ERC2: variants seen among roughly 807,000 people sequenced by gnomAD.
ERC2 encodes ERC protein 2.
ERC2 carries 42 observed loss-of-function variants against 114.8 expected under a neutral mutation model. The observed-to-expected ratio is 0.37, with a 90% CI of 0.29 to 0.47. The LOEUF is 0.47. Among genes scored for constraint, ERC2 ranks in the 20% least tolerant of loss-of-function variants. ERC2 has a pLI of 0.99. For missense variants in ERC2, 939 were observed against 1,150.7 expected (o/e 0.82, Z 2.66); for synonymous variants, 454 against 425.5 (o/e 1.07, Z -0.82).
chr3:56,275,910 C>T (rs948550997), intron 3 of ERC2, among the ~76,000 whole-genome samples: 1 of 152,152 alleles, frequency 6.6e-6, no homozygotes. Flanking sequence ...AGGACAAGCC[C>T]CCATCCCCAG....
intron 17 of ERC2, among the ~76,000 whole-genome samples, chr3:55,622,316 C>T (rs371272051): frequency 9.2e-5 from 14 of 152,148 alleles, no homozygotes; most frequent in East Asian, 1.9e-4. Context: ...GGAGAAGGCA[C>T]CACCTCAGCA....
intron 7 of ERC2, among the ~76,000 whole-genome samples, chr3:56,019,285 C>T (rs1366960357): frequency 2.0e-5 from 3 of 152,096 alleles, no homozygotes; most frequent in African/African-American, 4.8e-5. Context: ...CTGACACGTA[C>T]GTAATCACTA....
chr3:56,043,021 T>C (rs2075276800), intron 7 of ERC2, among the ~76,000 whole-genome samples: 1 of 152,192 alleles, frequency 6.6e-6, no homozygotes, highest in Non-Finnish European at 1.5e-5. Flanking sequence ...AAGTGATTAC[T>C]GTAGGCAAGA....
At chr3:56,175,991 G>C (rs1006385458) in intron 3 of ERC2, among the ~76,000 whole-genome samples, 21 of 152,132 alleles carry the variant, frequency 1.4e-4, no homozygotes, top group Admixed American at 5.9e-4. Context: ...TGGATCCCAT[G>C]AGATTTCAAA....
chr3:55,898,558 G>A (rs768074994), intron 13 of ERC2, among the ~76,000 whole-genome samples: 2 of 152,064 alleles, frequency 1.3e-5, no homozygotes, highest in Non-Finnish European at 2.9e-5. Flanking sequence ...ACCTTCCGGA[G>A]ACCTTGTGAG....
intron 6 of ERC2, among the ~76,000 whole-genome samples, chr3:56,133,934 C>T (rs1415776775): frequency 6.6e-6 from 1 of 152,148 alleles, no homozygotes; most frequent in Non-Finnish European, 1.5e-5. Context: ...TGACATACCA[C>T]CAGCTAAAGC....
intron 7 of ERC2, among the ~76,000 whole-genome samples, chr3:56,077,413 C>T (rs1313479898): frequency 6.6e-6 from 1 of 152,202 alleles, no homozygotes; most frequent in African/African-American, 2.4e-5. Flanking sequence ...CAAGTGATAT[C>T]ATAATCATGT....
intron 7 of ERC2, among the ~76,000 whole-genome samples, chr3:56,028,925 T>C (rs949928732): frequency 6.6e-6 from 1 of 152,052 alleles, no homozygotes; most frequent in African/African-American, 2.4e-5. Flanking sequence ...GAAAAACAGA[T>C]GTTCGCTATA....
intron 15 of ERC2, among the ~76,000 whole-genome samples, chr3:55,725,471 A>G (rs932764059): frequency 6.6e-6 from 1 of 152,202 alleles, no homozygotes; most frequent in Non-Finnish European, 1.5e-5. Flanking sequence ...TGATTCCTCC[A>G]GCAGGCAAAG....
chr3:56,147,746 A>C (rs2081217263), intron 5 of ERC2, among the ~76,000 whole-genome samples: 1 of 152,190 alleles, frequency 6.6e-6, no homozygotes, highest in South Asian at 2.1e-4. Flanking sequence ...AAAGAAAACA[A>C]ATTTTTTTAA....
chr3:55,703,322 C>T (rs1447857148), intron 15 of ERC2, among the ~76,000 whole-genome samples: 1 of 152,204 alleles, frequency 6.6e-6, no homozygotes. Flanking sequence ...CTCCTTGTCC[C>T]AGCCTTGGGA....
At chr3:55,963,814 G>A (rs1216945048) in intron 12 of ERC2, among the ~76,000 whole-genome samples, 1 of 152,150 alleles carries the variant, frequency 6.6e-6, no homozygotes, top group African/African-American at 2.4e-5. Flanking sequence ...GGGGGCTAAC[G>A]CTGGAGGAAA....
At chr3:55,905,259 T>G (rs1333805640) in intron 13 of ERC2, among the ~76,000 whole-genome samples, 1 of 152,174 alleles carries the variant, frequency 6.6e-6, no homozygotes, top group Non-Finnish European at 1.5e-5. Flanking sequence ...TTTTGTATTT[T>G]TAGTAGAGAT....
chr3:55,598,015 G>C (rs17055485), intron 17 of ERC2, among the ~76,000 whole-genome samples: 1 of 152,158 alleles, frequency 6.6e-6, no homozygotes, highest in South Asian at 2.1e-4. Context: ...TCTTGCTAAC[G>C]ACAGAGCCTG....
At chr3:56,390,385 C>G (rs2060086379) in intron 2 of ERC2, among the ~76,000 whole-genome samples, 1 of 152,150 alleles carries the variant, frequency 6.6e-6, no homozygotes, top group Admixed American at 6.5e-5. Flanking sequence ...TAAACTAACA[C>G]TAGGTCATTC....
intron 3 of ERC2, among the ~76,000 whole-genome samples, chr3:56,187,181 C>T (rs1303666479): frequency 1.3e-5 from 2 of 152,124 alleles, no homozygotes; most frequent in Non-Finnish European, 1.5e-5. Flanking sequence ...TCAGCCTCTG[C>T]CTGTGGGTTC....
At chr3:56,257,257 G>A (rs1327908203) in intron 3 of ERC2, among the ~76,000 whole-genome samples, 2 of 152,136 alleles carry the variant, frequency 1.3e-5, no homozygotes, top group Non-Finnish European at 2.9e-5. Context: ...CATCCTCTCT[G>A]ATTTAAAATA....
intron 3 of ERC2, among the ~76,000 whole-genome samples, chr3:56,211,596 A>T (rs1238842837): frequency 6.6e-6 from 1 of 152,184 alleles, no homozygotes; most frequent in African/African-American, 2.4e-5. Context: ...GTAGAAAAAA[A>T]AAATCCTAAA....
At chr3:55,831,003 G>T (rs1462091807) in intron 14 of ERC2, among the ~76,000 whole-genome samples, 1 of 151,552 alleles carries the variant, frequency 6.6e-6, no homozygotes, top group Non-Finnish European at 1.5e-5. Context: ...AATTAAAATA[G>T]AATATTAAAA....
Sources: allele counts gnomAD v4.1 joint callset (sites outside exome capture counted in the v4.1 genomes callset), GRCh38; gene constraint gnomAD v4.1.1; transcripts MANE v1.5; gene names NCBI Gene and HGNC (gene_info 2026-07-23, HGNC 2026-07-21).